Variants in RAB4A observed in about 807,000 individuals in gnomAD.
RAB4A encodes the protein ras-related protein Rab-4A.
Under a neutral mutation model 34.5 loss-of-function variants are expected in RAB4A, and 20 were observed. That is an observed-to-expected ratio of 0.58 (90% CI 0.41 to 0.84). The LOEUF (loss-of-function observed/expected upper bound fraction) is 0.84, where lower values mean the gene tolerates loss of function less well. Among genes scored for constraint, RAB4A ranks in the 40% least tolerant of loss-of-function variants. The probability of loss-of-function intolerance (pLI) is 0.00; values close to 1 mark genes in which losing one functional copy is unlikely to be tolerated. For synonymous variants in RAB4A, 102 were observed against 100.0 expected (o/e 1.02, Z -0.12); for missense variants, 228 against 274.5 (o/e 0.83, Z 1.20).
chr1:229,285,673 C>G (rs1656905272), intron 1 of RAB4A, among the ~76,000 whole-genome samples: 1 of 152,098 alleles, frequency 6.6e-6, no homozygotes, highest in Admixed American at 6.5e-5. Context: ...GCAGCTGAGT[C>G]AAACGGGGAG....
intron 1 of RAB4A, 133 bp downstream of exon 1, chr1:229,271,503 G>C (rs1656475820): frequency 1.3e-6 from 1 of 790,450 alleles, no homozygotes; most frequent in African/African-American, 1.9e-5. Context: ...GATCTCGGAG[G>C]TGTCTGGGCT....
rs181053310 is a variant in RAB4A at position 229,298,753 on chromosome 1, G to C, written c.446-224G>C. On this transcript the variant is annotated intron_variant, in intron 5 of 7. Coordinates refer to ENST00000366690, the MANE Select transcript of RAB4A (RefSeq NM_004578.4). The stretch of plus-strand genomic sequence containing the variant: ...GCTCAGCCCCTTCACCAGGTTAAGT[G>C]CTAGCACAAGATAGCAGTTACTTTT... 1.8e-3 allele frequency among the ~76,000 whole-genome samples: 277 copies of C among 152,322 alleles called. 1 individual carries two copies. Among genetic ancestry groups the C allele is most frequent in the Non-Finnish European group, 3.4e-3 (232 of 68,018 alleles).
At chr1:229,294,352 G>T (rs760662980) in intron 3 of RAB4A, among the ~76,000 whole-genome samples, 4 of 152,248 alleles carry the variant, frequency 2.6e-5, no homozygotes, top group Non-Finnish European at 5.9e-5. Flanking sequence ...CAGAGAAGTG[G>T]CTGGTGAGCG....
rs181467424 is a variant in RAB4A at position 229,304,831 on chromosome 1, T to G, written c.*1038T>G. The G allele has an allele frequency of 1.8e-5, 3 of 165,182 alleles. No homozygotes were observed. The highest frequency in any genetic ancestry group is 3.9e-5 in the Non-Finnish European group (3 of 77,002). 10.2% of individuals were successfully genotyped at this position (165,182 alleles called of 1,614,324 possible). ...TAAATGCCTTACTACAGTTATCCAGTTGACATGTTTTTAATTCATATAAGG... is the reference window on the plus strand; with the variant it reads ...TAAATGCCTTACTACAGTTATCCAGGTGACATGTTTTTAATTCATATAAGG... On this transcript the variant is annotated 3_prime_UTR_variant, in exon 8 of 8. Transcript: ENST00000366690.
intron 4 of RAB4A, 26 bp downstream of exon 4, chr1:229,295,936 G>A (rs1657241488): frequency 6.2e-7 from 1 of 1,613,288 alleles, no homozygotes; most frequent in Non-Finnish European, 8.5e-7. Context: ...CCTGGTGAAG[G>A]AGGGTGCTCA....
At chr1:229,302,257 T>TTATATATATA (rs58013219) in intron 6 of RAB4A, among the ~76,000 whole-genome samples, 5 of 44,320 alleles carry the variant, frequency 1.1e-4, no homozygotes, top group Non-Finnish European at 1.7e-4. Context: ...CAGTAAATAA[T>TTATATATATA]TATATATATA....
chr1:229,295,383 A>T (rs1321486315), intron 3 of RAB4A, among the ~76,000 whole-genome samples: 2 of 152,198 alleles, frequency 1.3e-5, no homozygotes, highest in East Asian at 3.9e-4. Context: ...GCAGGGATGC[A>T]GGTGGGTGTA....
Position 229,302,958 on chromosome 1 carries a change from C to A in RAB4A, c.638C>A (p.Ala213Asp). The A allele has an allele frequency of 2.5e-6, 4 of 1,613,876 alleles. No homozygotes were observed. Among genetic ancestry groups the A allele is most frequent in the Non-Finnish European group, 3.4e-6 (4 of 1,179,878 alleles). ...RSPRRAQAPN[A>D]QECGC is the part of the protein sequence containing the mutation. ...CCGCGGCGCGCACAGGCCCCGAACG[C>A]TCAGGAGTGTGGTTGTTAGGAGAGC... The change falls in exon 7 of 8, where the codon GCT (alanine) becomes GAT (aspartate). Residue 213 changes from alanine (A) to aspartate (D), a missense_variant. Transcript: ENST00000366690.
At chr1:229,280,444 T>C (rs1415631585) in intron 1 of RAB4A, among the ~76,000 whole-genome samples, 2 of 152,250 alleles carry the variant, frequency 1.3e-5, no homozygotes, top group Non-Finnish European at 2.9e-5. Context: ...CAGCTGCTTA[T>C]CTGCTGCTCC....
In RAB4A at chr1:229,305,038, T is replaced by C; in HGVS notation, c.*1245T>C. 2 of 1,344,558 alleles carry C rather than the reference T, an allele frequency of 1.5e-6. No individual in the cohort carries two copies. The allele number at this position is 1,344,558 out of a possible 1,614,324, so 83.3% of individuals were successfully genotyped here. ...TGTTCTTCCACTGTGACTTTTTAGTTGAAGACTAGTAAATTAACTTTTAGT... is the reference window on the plus strand; with the variant it reads ...TGTTCTTCCACTGTGACTTTTTAGTCGAAGACTAGTAAATTAACTTTTAGT... On this transcript the variant is annotated 3_prime_UTR_variant, in exon 8 of 8. Transcript: ENST00000366690.
At chr1:229,292,539 T>C (rs1657116897) in intron 3 of RAB4A, among the ~76,000 whole-genome samples, 2 of 152,124 alleles carry the variant, frequency 1.3e-5, no homozygotes, top group South Asian at 4.1e-4. Context: ...AACAGTCCAC[T>C]CTGCACCTCT....
intron 1 of RAB4A, among the ~76,000 whole-genome samples, chr1:229,271,957 A>G (rs958357499): frequency 4.5e-4 from 69 of 152,166 alleles, no homozygotes; most frequent in African/African-American, 1.6e-3. Flanking sequence ...CATTTTGGCT[A>G]TTTATAAACA....
At position 229,271,314 on chromosome 1, in the gene RAB4A, C is replaced by T; in HGVS notation, c.-26C>T. The T allele has an allele frequency of 1.5e-6, 2 of 1,327,544 alleles. No homozygotes were observed. Among genetic ancestry groups the T allele is most frequent in the Non-Finnish European group, 1.9e-6 (2 of 1,036,940 alleles). 82.2% of individuals were successfully genotyped at this position (1,327,544 alleles called of 1,614,324 possible). A position where few individuals can be genotyped will look rare whatever the true frequency, so the allele number is the denominator to read the frequency against. On this transcript the variant is annotated 5_prime_UTR_variant, in exon 1 of 8. Coordinates refer to ENST00000366690, the MANE Select transcript of RAB4A (RefSeq NM_004578.4). ...CCGCGGGCGAGTGCAGCCGGTGACCCGGCGAGAGGCGGCGCCGCTCCCAAG... is the reference window on the plus strand; with the variant it reads ...CCGCGGGCGAGTGCAGCCGGTGACCTGGCGAGAGGCGGCGCCGCTCCCAAG...
At chr1:229,288,579 A>G (rs1656983921) in intron 2 of RAB4A, 150 bp from the exon 3 acceptor site, 1 of 553,996 alleles carries the variant, frequency 1.8e-6, no homozygotes. Context: ...AACTAAATGC[A>G]TCTTCTCAAT....
chr1:229,288,202 G>GT (rs1468982188), intron 2 of RAB4A, among the ~76,000 whole-genome samples: 1 of 152,038 alleles, frequency 6.6e-6, no homozygotes, highest in Non-Finnish European at 1.5e-5. Flanking sequence ...TTGTTTTGGG[G>GT]TTTTTTGGAG....
intron 6 of RAB4A, among the ~76,000 whole-genome samples, chr1:229,300,851 A>C (rs1657367777): frequency 6.6e-6 from 1 of 152,174 alleles, no homozygotes; most frequent in African/African-American, 2.4e-5. Flanking sequence ...AGTGATCAAC[A>C]GAACCCTGGA....
At position 229,305,460 on chromosome 1, in the gene RAB4A, A is replaced by G. The variant is rs1657526708; in HGVS notation, c.*1667A>G. On this transcript the variant is annotated 3_prime_UTR_variant, in exon 8 of 8. Coordinates refer to ENST00000366690, the MANE Select transcript of RAB4A (RefSeq NM_004578.4). The stretch of plus-strand genomic sequence containing the variant: ...GTTAATTAAACCACAGACACCATAT[A>G]TCCTTCTGCATCCTTTGGCCAATAA... 3 of 555,646 alleles carry G rather than the reference A, an allele frequency of 5.4e-6. No individual in the cohort carries two copies. Among genetic ancestry groups the G allele is most frequent in the Non-Finnish European group, 8.9e-6 (3 of 337,070 alleles). The allele number at this position is 555,646 out of a possible 1,614,324, so 34.4% of individuals were successfully genotyped here. A position where few individuals can be genotyped will look rare whatever the true frequency, so the allele number is the denominator to read the frequency against.
intron 6 of RAB4A, among the ~76,000 whole-genome samples, chr1:229,301,000 T>A (rs1657374223): frequency 6.6e-6 from 1 of 152,190 alleles, no homozygotes; most frequent in Non-Finnish European, 1.5e-5. Flanking sequence ...GTTCATTATG[T>A]AATGTAATAG....
At position 229,271,204 on chromosome 1, in the gene RAB4A, C is replaced by T. The variant is rs1280180160; in HGVS notation, c.-136C>T. The T allele has an allele frequency of 5.7e-6, 5 of 878,182 alleles. No individual in the cohort carries two copies. The highest frequency in any genetic ancestry group is 8.7e-5 in the South Asian group (2 of 22,990). 54.4% of individuals were successfully genotyped at this position (878,182 alleles called of 1,614,324 possible). A position where few individuals can be genotyped will look rare whatever the true frequency, so the allele number is the denominator to read the frequency against. The stretch of plus-strand genomic sequence containing the variant: ...GGCTGGGCCGCAGCCGCTGGGAGAC[C>T]GGCGGTTGCCGTGGGGACCGGTCGG... On this transcript the variant is annotated 5_prime_UTR_variant, in exon 1 of 8. Coordinates refer to ENST00000366690, the MANE Select transcript of RAB4A (RefSeq NM_004578.4).
Sources: allele counts gnomAD v4.1 joint callset (sites outside exome capture counted in the v4.1 genomes callset), GRCh38; gene constraint gnomAD v4.1.1; transcripts MANE v1.5; gene names NCBI Gene and HGNC (gene_info 2026-07-23, HGNC 2026-07-21).